RAMP3: variants seen among roughly 807,000 people sequenced by gnomAD.
RAMP3 encodes the protein receptor activity modifying protein 3, also known as receptor activity-modifying protein 3.
In RAMP3, 14 loss-of-function variants were observed where a neutral mutation model predicts 13.5. The observed-to-expected ratio is 1.04, with a 90% CI of 0.69 to 1.63. The LOEUF (loss-of-function observed/expected upper bound fraction) is 1.63. Among genes scored for constraint, RAMP3 ranks in the 40% most tolerant of loss-of-function variants. The probability of loss-of-function intolerance (pLI) is 0.00; values close to 1 mark genes in which losing one functional copy is unlikely to be tolerated. For synonymous variants in RAMP3, 106 were observed against 88.3 expected (o/e 1.20, Z -1.12); for missense variants, 200 against 204.8 (o/e 0.98, Z 0.14).
chr7:45,165,580 T>A (rs1265164165), intron 1 of RAMP3, among the ~76,000 whole-genome samples: 1 of 152,252 alleles, frequency 6.6e-6, no homozygotes, highest in Admixed American at 6.5e-5. Context: ...ATTTAAAGTA[T>A]ACATCAATAT....
In RAMP3 at chr7:45,174,174, G is replaced by A. The variant is rs529435150; in HGVS notation, c.59-3135G>A. The stretch of plus-strand genomic sequence containing the variant: ...GACAGCAGGCCCGGCATGCACAGAT[G>A]ACTACCCCAAAGCTGTGTGACCCTG... On this transcript the variant is annotated intron_variant, in intron 1 of 2. Coordinates refer to ENST00000242249, the MANE Select transcript of RAMP3 (RefSeq NM_005856.3). Among the ~76,000 whole-genome samples the A allele has an allele frequency of 7.2e-5, 11 of 152,268 alleles. No individual in the cohort carries two copies. In the East Asian group the frequency reaches 1.9e-3, roughly 27 times the overall value.
At chr7:45,159,946 G>C (rs909897602) in intron 1 of RAMP3, among the ~76,000 whole-genome samples, 1 of 152,178 alleles carries the variant, frequency 6.6e-6, no homozygotes, top group Non-Finnish European at 1.5e-5. Context: ...ATGATGTCCT[G>C]CTGCCATGTT....
At position 45,177,249 on chromosome 7, in the gene RAMP3, C is replaced by T. The variant is rs1447381593; in HGVS notation, c.59-60C>T. 4 of 1,607,004 alleles carry T rather than the reference C, an allele frequency of 2.5e-6. No individual in the cohort carries two copies. The African/African-American group carries it at 5.3e-5, about 21-fold the overall frequency. On this transcript the variant is annotated intron_variant, in intron 1 of 2. Transcript: ENST00000242249. ...TCAAGTTATGGCCCCTTGGGCCTCC[C>T]CTGTCCTGGCATCCCCAGTGTGAAC...
chr7:45,183,309 C>T lies in RAMP3; in HGVS notation c.344C>T (p.Pro115Leu). Residue 115 changes from proline to leucine, a missense_variant, in exon 3 of 3, where the codon CCA (proline) becomes CTA (leucine). Transcript: ENST00000242249. ...TVDRVHLEDPPDEVLIPLIVI... is the reference protein window; with the variant it reads ...TVDRVHLEDPLDEVLIPLIVI... Reference sequence around the variant, plus strand: ...GACAGGGTCCACTTGGAGGACCCCCCAGACGAGGTTCTCATCCCGCTGATC... The same window carrying T: ...GACAGGGTCCACTTGGAGGACCCCCTAGACGAGGTTCTCATCCCGCTGATC... The T allele has an allele frequency of 6.2e-7, 1 of 1,614,134 alleles. No homozygotes were observed. Among genetic ancestry groups the T allele is most frequent in the South Asian group, 1.1e-5 (1 of 91,086 alleles).
chr7:45,181,726 G>A (rs2128658948), intron 2 of RAMP3, among the ~76,000 whole-genome samples: 1 of 152,264 alleles, frequency 6.6e-6, no homozygotes, highest in South Asian at 2.1e-4. Flanking sequence ...GGAAGATGAG[G>A]GTTTGTCCAT....
chr7:45,159,063 C>A (rs1241422280), intron 1 of RAMP3, among the ~76,000 whole-genome samples: 1 of 152,232 alleles, frequency 6.6e-6, no homozygotes, highest in East Asian at 1.9e-4. Flanking sequence ...TCCTGATCAT[C>A]TCCAGTATCA....
At position 45,177,777 on chromosome 7, in the gene RAMP3, G is replaced by A. The variant is rs748487947; in HGVS notation, c.191+336G>A. Reference sequence around the variant, plus strand: ...TTCCCAGCTTCCTACCCCCCATTCCGCATCCTCACTCTGATGTTCTAGCAA... The same window carrying A: ...TTCCCAGCTTCCTACCCCCCATTCCACATCCTCACTCTGATGTTCTAGCAA... On this transcript the variant is annotated intron_variant, in intron 2 of 2. Transcript: ENST00000242249. Among the ~76,000 whole-genome samples the A allele has an allele frequency of 5.6e-4, 85 of 152,034 alleles. 1 individual carries two copies. The highest frequency in any genetic ancestry group is 3.4e-4 in the Non-Finnish European group (23 of 67,976).
intron 2 of RAMP3, among the ~76,000 whole-genome samples, chr7:45,180,445 G>A (rs1005060575): frequency 6.6e-6 from 1 of 152,242 alleles, no homozygotes; most frequent in Non-Finnish European, 1.5e-5. Flanking sequence ...CAATAGGACT[G>A]GTCCACATGA....
intron 1 of RAMP3, among the ~76,000 whole-genome samples, chr7:45,166,662 G>A (rs1262571176): frequency 1.3e-5 from 2 of 152,022 alleles, no homozygotes. Context: ...TTTAAAATTT[G>A]ACGTGTCTAA....
At chr7:45,167,156 A>T (rs1355651224) in intron 1 of RAMP3, among the ~76,000 whole-genome samples, 4 of 151,968 alleles carry the variant, frequency 2.6e-5, no homozygotes, top group Non-Finnish European at 1.5e-5. Context: ...ACGCGGTTTC[A>T]GTGTGTTAGC....
Position 45,184,190 on chromosome 7 carries a change from T to C in RAMP3, c.*778T>C. 1 of 398,750 alleles carries C rather than the reference T, an allele frequency of 2.5e-6. No homozygotes were observed. The highest frequency in any genetic ancestry group is 4.4e-6 in the Non-Finnish European group (1 of 226,186). The allele number at this position is 398,750 out of a possible 1,614,324, so 24.7% of individuals were successfully genotyped here. On this transcript the variant is annotated 3_prime_UTR_variant, in exon 3 of 3. Coordinates refer to ENST00000242249, the MANE Select transcript of RAMP3 (RefSeq NM_005856.3). Reference sequence around the variant, plus strand: ...CCCTCTGGAATGGCATCCCATGAGCTTGTGGCCTCTATCTGCTACCATCTG... The same window carrying C: ...CCCTCTGGAATGGCATCCCATGAGCCTGTGGCCTCTATCTGCTACCATCTG...
chr7:45,177,769 C>A (rs926493495), intron 2 of RAMP3, among the ~76,000 whole-genome samples: 1 of 152,204 alleles, frequency 6.6e-6, no homozygotes, highest in East Asian at 1.9e-4. Flanking sequence ...CTTCCTACCC[C>A]CCATTCCGCA....
chr7:45,173,577 C>T (rs1786120508), intron 1 of RAMP3, among the ~76,000 whole-genome samples: 1 of 152,208 alleles, frequency 6.6e-6, no homozygotes, highest in South Asian at 2.1e-4. Context: ...GACAGCTGAG[C>T]AGGAGGTGGT....
At chr7:45,173,914 G>A (rs1020213022) in intron 1 of RAMP3, among the ~76,000 whole-genome samples, 3 of 152,154 alleles carry the variant, frequency 2.0e-5, no homozygotes, top group Non-Finnish European at 4.4e-5. Context: ...TGAGCTGGGA[G>A]GAGGGCAGAC....
In RAMP3 at chr7:45,183,501, C is replaced by T; in HGVS notation, c.*89C>T. On this transcript the variant is annotated 3_prime_UTR_variant, in exon 3 of 3. Transcript: ENST00000242249. ...AGAGCGGGTGGGTGCTGCCAATCTC[C>T]AGCTACTGTGGCCACACCCCACCTG... The T allele has an allele frequency of 6.5e-7, 1 of 1,548,946 alleles. No individual in the cohort carries two copies.
At chr7:45,168,062 T>A (rs573833190) in intron 1 of RAMP3, among the ~76,000 whole-genome samples, 1 of 152,276 alleles carries the variant, frequency 6.6e-6, no homozygotes, top group Admixed American at 6.5e-5. Context: ...AGTGTTCCAA[T>A]GTGTTAACAT....
intron 1 of RAMP3, among the ~76,000 whole-genome samples, chr7:45,162,703 G>T (rs1370936585): frequency 6.6e-6 from 1 of 152,212 alleles, no homozygotes; most frequent in Non-Finnish European, 1.5e-5. Context: ...CAGTACTGAG[G>T]GGGGTGGAGA....
Position 45,184,214 on chromosome 7 carries a change from T to C in RAMP3, c.*802T>C. 1 of 398,652 alleles carries C rather than the reference T, an allele frequency of 2.5e-6. No individual in the cohort carries two copies. The highest frequency in any genetic ancestry group is 4.4e-6 in the Non-Finnish European group (1 of 226,112). 24.7% of individuals were successfully genotyped at this position (398,652 alleles called of 1,614,324 possible). ...CTTGTGGCCTCTATCTGCTACCATC[T>C]GTGTTTTATCTGAGTAAAGTTACCT... On this transcript the variant is annotated 3_prime_UTR_variant, in exon 3 of 3. Transcript: ENST00000242249.
intron 1 of RAMP3, among the ~76,000 whole-genome samples, chr7:45,161,348 C>T (rs1166162744): frequency 6.6e-6 from 1 of 152,104 alleles, no homozygotes; most frequent in Admixed American, 6.5e-5. Flanking sequence ...CTTTGCCTGG[C>T]TCAGTGAGGG....
Sources: gnomAD v4.1 joint callset for allele counts (sites outside exome capture counted in the v4.1 genomes callset) on GRCh38, gnomAD v4.1.1 for gene constraint, MANE v1.5 for transcripts, NCBI Gene and HGNC (gene_info 2026-07-23, HGNC 2026-07-21) for gene names.